Variants in SYNE1 observed in about 807,000 individuals in gnomAD.
SYNE1 encodes spectrin repeat containing nuclear envelope protein 1, also known as nesprin-1.
In SYNE1, 616 loss-of-function variants were observed where a neutral mutation model predicts 1,111.0. The observed-to-expected ratio is 0.55, with a 90% CI of 0.52 to 0.59. The LOEUF is 0.59. Ranked by LOEUF, SYNE1 falls within the 20% of genes least tolerant of loss-of-function variation. The probability of loss-of-function intolerance (pLI) is 0.00; values close to 1 mark genes in which losing one functional copy is unlikely to be tolerated. For missense variants in SYNE1, 10,006 were observed against 10,417.0 expected (o/e 0.96, Z 1.72); for synonymous variants, 3,855 against 3,825.8 (o/e 1.01, Z -0.28).
intron 4 of SYNE1, among the ~76,000 whole-genome samples, chr6:152,527,166 A>G (rs2099167447): frequency 6.6e-6 from 1 of 152,194 alleles, no homozygotes; most frequent in Non-Finnish European, 1.5e-5. Context: ...TTTCTTTAAA[A>G]AATAATGTGT....
At chr6:152,346,501 C>T (rs9322368) in intron 73 of SYNE1, among the ~76,000 whole-genome samples, 132,181 of 152,124 alleles carry the variant, frequency 0.87, 57,653 homozygotes, top group African/African-American at 0.94. Flanking sequence ...TCACAATCAA[C>T]TCATGGAATA....
At chr6:152,586,563 C>T (rs2099539752) in intron 3 of SYNE1, among the ~76,000 whole-genome samples, 1 of 151,482 alleles carries the variant, frequency 6.6e-6, no homozygotes, top group Admixed American at 6.6e-5. Context: ...TTATTTGTAC[C>T]CAATTATATT....
chr6:152,565,785 T>C (rs2099411591), intron 3 of SYNE1, among the ~76,000 whole-genome samples: 1 of 152,172 alleles, frequency 6.6e-6, no homozygotes, highest in South Asian at 2.1e-4. Flanking sequence ...TTTCAATTTC[T>C]CACTTAAGCC....
intron 22 of SYNE1, among the ~76,000 whole-genome samples, chr6:152,456,270 G>GT (rs10714693): frequency 6.5e-4 from 96 of 148,602 alleles, no homozygotes; most frequent in Middle Eastern, 3.5e-3. Context: ...GTTACAAAGA[G>GT]TTTTTTTTTT....
At chr6:152,309,721 C>A in intron 90 of SYNE1, 114 bp downstream of exon 90, 3 of 1,358,446 alleles carry the variant, frequency 2.2e-6, no homozygotes, top group Non-Finnish European at 3.1e-6. Flanking sequence ...CCACAACAGC[C>A]TGTCAGATTC....
chr6:152,428,685 A>G (rs946558613), intron 36 of SYNE1, among the ~76,000 whole-genome samples: 7 of 152,250 alleles, frequency 4.6e-5, no homozygotes, highest in East Asian at 1.9e-4. Context: ...GAAGGTCCCA[A>G]TTCCACTGAT....
intron 124 of SYNE1, among the ~76,000 whole-genome samples, chr6:152,210,769 A>G (rs1459020904): frequency 6.6e-6 from 1 of 152,216 alleles, no homozygotes; most frequent in Non-Finnish European, 1.5e-5. Flanking sequence ...TTCCTAGGAA[A>G]TGTAAATATA....
At position 152,451,104 on chromosome 6, in the gene SYNE1, A is replaced by C. The variant is rs189744630; in HGVS notation, c.3129T>G (p.Asp1043Glu). Residue 1043 changes from aspartate to glutamate, a missense_variant, in exon 26 of 146, where the codon GAT becomes GAG. Around this residue, in one of 7 missense-constraint regions of SYNE1, gnomAD observed 1,971 missense variants for 2,084.1 expected, o/e 0.95. Transcript: ENST00000367255. Reference protein sequence around the residue: ...ASVEECRTELDRETKLMPQEG... With the variant: ...ASVEECRTELERETKLMPQEG... ...CCTGGGGCATCAGCTTGGTCTCTCG[A>C]TCCAGCTCAGTTCTGCATTCTTCTA... 4.3e-6 allele frequency: 7 copies of C among 1,614,114 alleles called. No homozygotes were observed. Among genetic ancestry groups the C allele is most frequent in the African/African-American group, 1.3e-5 (1 of 75,022 alleles).
intron 116 of SYNE1, 102 bp downstream of exon 116, chr6:152,225,619 G>T: frequency 2.2e-6 from 3 of 1,370,206 alleles, no homozygotes; most frequent in Non-Finnish European, 2.1e-6. Context: ...ATAATGTATA[G>T]ATTTGATTAT....
At chr6:152,204,365 CA>C (rs57252682) in intron 126 of SYNE1, among the ~76,000 whole-genome samples, 16,499 of 89,570 alleles carry the variant, frequency 0.18, 1,572 homozygotes, top group African/African-American at 0.36. Flanking sequence ...GACTCTATGT[CA>C]AAAAAAAAAA....
At chr6:152,308,196 T>C (rs1358342097) in intron 91 of SYNE1, among the ~76,000 whole-genome samples, 1 of 151,988 alleles carries the variant, frequency 6.6e-6, no homozygotes, top group Non-Finnish European at 1.5e-5. Context: ...ATGGACTGTG[T>C]TTTAGTGTAT....
chr6:152,462,931 T>C, intron 19 of SYNE1, 41 bp from the exon 20 acceptor site: 2 of 1,611,870 alleles, frequency 1.2e-6, no homozygotes, highest in Non-Finnish European at 1.7e-6. Flanking sequence ...GAAAGCCATT[T>C]AGCTGCGACC....
In SYNE1 at chr6:152,139,943, C is replaced by T; in HGVS notation, c.25458+7G>A. The T allele has an allele frequency of 6.2e-7, 1 of 1,612,828 alleles. No homozygotes were observed. The highest frequency in any genetic ancestry group is 8.5e-7 in the Non-Finnish European group (1 of 1,180,016). ...TGTCCGCCGTGGGAAAGGCAAGGGGCAGCTACCTTGAGCTTTTTGATCTGG... is the reference window on the plus strand; with the variant it reads ...TGTCCGCCGTGGGAAAGGCAAGGGGTAGCTACCTTGAGCTTTTTGATCTGG... On this transcript the variant is annotated splice_region_variant and intron_variant, in intron 140 of 145. Transcript: ENST00000367255.
intron 6 of SYNE1, 141 bp downstream of exon 6, chr6:152,520,318 T>C (rs1309562434): frequency 1.1e-6 from 1 of 870,072 alleles, no homozygotes; most frequent in South Asian, 1.5e-5. Context: ...AAGAGTATTT[T>C]ATAATACAAT....
At position 152,281,833 on chromosome 6, in the gene SYNE1, T is replaced by G. The variant is rs969787699; in HGVS notation, c.18355A>C (p.Met6119Leu). 3 of 1,614,070 alleles carry G rather than the reference T, an allele frequency of 1.9e-6. No homozygotes were observed. In the African/African-American group the frequency reaches 4.0e-5, roughly 22 times the overall value. The change falls in exon 97 of 146, where the codon ATG (methionine) becomes CTG (leucine). Residue 6119 changes from methionine to leucine, a missense_variant. Transcript: ENST00000367255. ...ALSPPKEPMD[M>L]EAQLMDCQNM... ...TGGCAGTCCATAAGCTGGGCCTCCATGTCCATGGGCTCCTTGGGTGGACTC... is the reference window on the plus strand; with the variant it reads ...TGGCAGTCCATAAGCTGGGCCTCCAGGTCCATGGGCTCCTTGGGTGGACTC...
At chr6:152,167,982 C>G in intron 130 of SYNE1, 1 of 778,192 alleles carries the variant, frequency 1.3e-6, no homozygotes. Flanking sequence ...GGCCAGCTAT[C>G]TCCCAACACC....
At chr6:152,601,773 G>A (rs1012016158) in intron 3 of SYNE1, among the ~76,000 whole-genome samples, 1 of 152,200 alleles carries the variant, frequency 6.6e-6, no homozygotes, top group African/African-American at 2.4e-5. Context: ...TGGTTCCTAA[G>A]ATGAGATCCC....
intron 63 of SYNE1, among the ~76,000 whole-genome samples, chr6:152,363,366 C>T (rs927942538): frequency 1.1e-4 from 17 of 149,746 alleles, no homozygotes; most frequent in Non-Finnish European, 1.8e-4. Context: ...TGGTGGCGGG[C>T]GCCTGTAGTA....
intron 16 of SYNE1, among the ~76,000 whole-genome samples, chr6:152,470,070 C>T (rs188541315): frequency 1.1e-4 from 16 of 152,126 alleles, no homozygotes; most frequent in African/African-American, 3.1e-4. Flanking sequence ...AAGCATGCTA[C>T]GTATGTAGGA....
Sources: gnomAD v4.1 joint callset for allele counts (sites outside exome capture counted in the v4.1 genomes callset) on GRCh38, gnomAD v4.1.1 for gene constraint, gnomAD v4.1.1 regional missense constraint, MANE v1.5 for transcripts, NCBI Gene and HGNC (gene_info 2026-07-23, HGNC 2026-07-21) for gene names.